The following UBE2Q2 variants were observed in gnomAD, a reference collection of about 807,000 sequenced individuals.
The protein encoded by UBE2Q2 is ubiquitin conjugating enzyme E2 Q2, also known as ubiquitin-conjugating enzyme E2 Q2.
In UBE2Q2, 54 loss-of-function variants were observed where a neutral mutation model predicts 59.9. The ratio of observed to expected loss-of-function variants is 0.90; its 90% CI spans 0.72 to 1.13. UBE2Q2 has a LOEUF of 1.13. UBE2Q2 is among the 50% of genes most tolerant of loss of function. UBE2Q2 has a pLI of 0.00. For missense variants in UBE2Q2, 433 were observed against 441.9 expected, an observed-to-expected ratio of 0.98 and a Z score of 0.18; for synonymous variants, 165 against 155.2, an observed-to-expected ratio of 1.06 and a Z score of -0.47.
intron 3 of UBE2Q2, among the ~76,000 whole-genome samples, chr15:75,865,871 GCTGT>G (rs1411020108): frequency 6.6e-6 from 1 of 150,822 alleles, no homozygotes; most frequent in Non-Finnish European, 1.5e-5. Flanking sequence ...TTGAATACTT[GCTGT>G]CTGTTATTTG....
rs962066050 is a variant in UBE2Q2 at position 75,843,592 on chromosome 15, C to T, written c.-75C>T. On this transcript the variant is annotated 5_prime_UTR_variant, in exon 1 of 13. The change creates a new upstream start codon in the 5' untranslated region. Coordinates refer to ENST00000267938, the MANE Select transcript of UBE2Q2 (RefSeq NM_173469.4). ...CCCCGCGGGGCGGTCGCGGCCGTGA[C>T]GGCGGCTCCGGGCCCGGCTCCCCTT... 6.0e-6 allele frequency: 8 copies of T among 1,342,646 alleles called. No homozygotes were observed. Among genetic ancestry groups the T allele is most frequent in the Non-Finnish European group, 7.9e-6 (8 of 1,009,010 alleles). The allele number at this position is 1,342,646 out of a possible 1,614,324, so 83.2% of individuals were successfully genotyped here.
intron 9 of UBE2Q2, among the ~76,000 whole-genome samples, chr15:75,883,628 A>C (rs531872789): frequency 6.6e-6 from 1 of 151,010 alleles, no homozygotes; most frequent in South Asian, 2.1e-4. Flanking sequence ...TCTTCTAAAT[A>C]TAGTGTGCAC....
rs1896130612 is a variant in UBE2Q2 at position 75,843,581 on chromosome 15, C to A, written c.-86C>A. Reference sequence around the variant, plus strand: ...GCCCAGGCCGGCCCCGCGGGGCGGTCGCGGCCGTGACGGCGGCTCCGGGCC... The same window carrying A: ...GCCCAGGCCGGCCCCGCGGGGCGGTAGCGGCCGTGACGGCGGCTCCGGGCC... On this transcript the variant is annotated 5_prime_UTR_variant, in exon 1 of 13. Coordinates refer to ENST00000267938, the MANE Select transcript of UBE2Q2 (RefSeq NM_173469.4). 4 of 1,197,900 alleles carry A rather than the reference C, an allele frequency of 3.3e-6. No homozygotes were observed. Among genetic ancestry groups the A allele is most frequent in the Non-Finnish European group, 4.4e-6 (4 of 902,818 alleles). The allele number at this position is 1,197,900 out of a possible 1,614,324, so 74.2% of individuals were successfully genotyped here.
rs77078223 is a variant in UBE2Q2, at chr15:75,887,475, C to G, written c.885-2960C>G. 3.2e-3 allele frequency among the ~76,000 whole-genome samples: 479 copies of G among 151,902 alleles called. 1 individual carries two copies. The highest frequency in any genetic ancestry group is 5.1e-3 in the Non-Finnish European group (345 of 67,984). Reference sequence around the variant, plus strand: ...TACCAGACCAGTTTGAGCTATAACACAAGGAGGGTAGGACTCATGTAGAAG... The same window carrying G: ...TACCAGACCAGTTTGAGCTATAACAGAAGGAGGGTAGGACTCATGTAGAAG... On this transcript the variant is annotated intron_variant, in intron 9 of 12. Transcript: ENST00000267938.
In UBE2Q2 at chr15:75,843,588, G is replaced by A. The variant is rs1326977893; in HGVS notation, c.-79G>A. 15 of 1,303,122 alleles carry A rather than the reference G, an allele frequency of 1.2e-5. No individual in the cohort carries two copies. The highest frequency in any genetic ancestry group is 1.6e-5 in the African/African-American group (1 of 63,146). 80.7% of individuals were successfully genotyped at this position (1,303,122 alleles called of 1,614,324 possible). ...CCGGCCCCGCGGGGCGGTCGCGGCCGTGACGGCGGCTCCGGGCCCGGCTCC... is the reference window on the plus strand; with the variant it reads ...CCGGCCCCGCGGGGCGGTCGCGGCCATGACGGCGGCTCCGGGCCCGGCTCC... On this transcript the variant is annotated 5_prime_UTR_variant, in exon 1 of 13. The change creates a new upstream start codon in the 5' untranslated region. Coordinates refer to ENST00000267938, the MANE Select transcript of UBE2Q2 (RefSeq NM_173469.4).
chr15:75,844,904 C>G (rs1896251711), intron 1 of UBE2Q2, among the ~76,000 whole-genome samples: 1 of 151,782 alleles, frequency 6.6e-6, no homozygotes, highest in Non-Finnish European at 1.5e-5. Context: ...TTGCAAAAAC[C>G]TTGATGTTAT....
In UBE2Q2 at chr15:75,843,684, C is replaced by T. The variant is rs1896141905; in HGVS notation, c.18C>T (p.Leu6=). The change falls in exon 1 of 13, where the codon CTC becomes CTT. Residue 6 remains leucine, a synonymous_variant. Coordinates refer to ENST00000267938, the MANE Select transcript of UBE2Q2 (RefSeq NM_173469.4). ...AGGGGAAGATGTCCGTGTCAGGGCT[C>T]AAGGCCGAGCTGAAGTTCCTGGCGT... The part of the protein sequence containing the change: MSVSG[L]KAELKFLASI... 2.5e-6 allele frequency: 4 copies of T among 1,610,036 alleles called. No individual in the cohort carries two copies. The East Asian group carries it at 6.8e-5, about 27-fold the overall frequency.
intron 1 of UBE2Q2, among the ~76,000 whole-genome samples, chr15:75,846,261 G>C (rs1046137497): frequency 4.6e-5 from 7 of 151,924 alleles, no homozygotes; most frequent in African/African-American, 1.7e-4. Flanking sequence ...TTTTTGAGAC[G>C]GAGTCTCGCT....
intron 1 of UBE2Q2, among the ~76,000 whole-genome samples, chr15:75,852,010 C>T (rs1000880339): frequency 6.6e-6 from 1 of 152,108 alleles, no homozygotes; most frequent in African/African-American, 2.4e-5. Flanking sequence ...GTAGCTGGGA[C>T]TACAGGCGTG....
At chr15:75,872,533 CTTTTTTT>C (rs374099581) in intron 4 of UBE2Q2, among the ~76,000 whole-genome samples, 4 of 114,794 alleles carry the variant, frequency 3.5e-5, no homozygotes, top group African/African-American at 6.6e-5. Context: ...TTTTCTTTTC[CTTTTTTT>C]TTTTTTTTTT....
At chr15:75,890,673 G>GC (rs1268910727) in intron 10 of UBE2Q2, among the ~76,000 whole-genome samples, 190 bp downstream of exon 10, 1 of 152,150 alleles carries the variant, frequency 6.6e-6, no homozygotes, top group Non-Finnish European at 1.5e-5. Context: ...CTGAATCTAT[G>GC]CTAGGATAGG....
chr15:75,883,839 T>TATGCACAC (rs924347206), intron 9 of UBE2Q2, among the ~76,000 whole-genome samples: 2 of 151,886 alleles, frequency 1.3e-5, no homozygotes, highest in Admixed American at 6.6e-5. Context: ...TATTTATACA[T>TATGCACAC]ACACACACAC....
intron 1 of UBE2Q2, among the ~76,000 whole-genome samples, chr15:75,847,738 C>T (rs552312995): frequency 3.9e-5 from 6 of 152,088 alleles, no homozygotes; most frequent in South Asian, 2.1e-4. Flanking sequence ...CTCCATTACT[C>T]CTTTTATGGA....
chr15:75,859,964 A>C lies in UBE2Q2; in HGVS notation c.369A>C (p.Gln123His). Residue 123 changes from glutamine to histidine, a missense_variant, in exon 3 of 13, where the codon CAA becomes CAC. By Grantham distance (24) the Gln-to-His change is conservative. Transcript: ENST00000267938. ...PKHLDVEMLD[Q>H]PLPTGQNGTT... The stretch of plus-strand genomic sequence containing the variant: ...ACCTGGATGTTGAGATGCTAGATCA[A>C]CCACTACCCACGGGTCAGGTAAAGT... 1 of 1,601,048 alleles carries C rather than the reference A, an allele frequency of 6.2e-7. No homozygotes were observed. The highest frequency in any genetic ancestry group is 1.3e-5 in the African/African-American group (1 of 74,348).
intron 8 of UBE2Q2, among the ~76,000 whole-genome samples, chr15:75,882,012 A>G (rs1429785322): frequency 1.3e-5 from 2 of 152,180 alleles, no homozygotes; most frequent in Non-Finnish European, 2.9e-5. Flanking sequence ...GGTTGATGTT[A>G]TCTTGTCTTC....
intron 5 of UBE2Q2, among the ~76,000 whole-genome samples, chr15:75,874,256 A>G (rs965257807): frequency 6.6e-6 from 1 of 151,786 alleles, no homozygotes; most frequent in Admixed American, 6.6e-5. Flanking sequence ...GACCCAACCA[A>G]AAGTAATTTT....
At chr15:75,876,038 C>T in intron 5 of UBE2Q2, 149 bp from the exon 6 acceptor site, 1 of 673,416 alleles carries the variant, frequency 1.5e-6, no homozygotes, top group South Asian at 2.0e-5. Flanking sequence ...GCACTCCAGC[C>T]TGGGTAACAG....
At chr15:75,862,814 C>CAAAAA (rs71140182) in intron 3 of UBE2Q2, among the ~76,000 whole-genome samples, 1 of 53,918 alleles carries the variant, frequency 1.9e-5, no homozygotes, top group Non-Finnish European at 3.5e-5. Flanking sequence ...AACCCTATCT[C>CAAAAA]AAAAAAAAAA....
intron 7 of UBE2Q2, 108 bp downstream of exon 7, chr15:75,878,129 C>T: frequency 1.2e-6 from 1 of 853,202 alleles, no homozygotes; most frequent in East Asian, 2.8e-5. Flanking sequence ...TTACTTAGAA[C>T]TTTAGACTTT....
Sources: allele counts gnomAD v4.1 joint callset (sites outside exome capture counted in the v4.1 genomes callset), GRCh38; gene constraint gnomAD v4.1.1; transcripts MANE v1.5; gene names NCBI Gene and HGNC (gene_info 2026-07-23, HGNC 2026-07-21).